Variants in GPAT3 observed in about 807,000 individuals in gnomAD.
GPAT3 encodes glycerol-3-phosphate acyltransferase 3.
Under a neutral mutation model 58.8 loss-of-function variants are expected in GPAT3, and 53 were observed. That is an observed-to-expected ratio of 0.90 (90% CI 0.72 to 1.13). The LOEUF (loss-of-function observed/expected upper bound fraction) is 1.13. GPAT3 is among the 50% of genes most tolerant of loss of function. The pLI is 0.00. For missense variants in GPAT3, 511 were observed against 527.6 expected (o/e 0.97, Z 0.31); for synonymous variants, 197 against 187.4 (o/e 1.05, Z -0.42).
rs746452375 is a variant in GPAT3, at chr4:83,581,808, G to A, written c.455G>A (p.Arg152His). 6.2e-6 allele frequency: 10 copies of A among 1,613,268 alleles called. No homozygotes were observed. The highest frequency in any genetic ancestry group is 4.4e-5 in the South Asian group (4 of 91,052). ...TMVWVLGVIV[R>H]YCVLLPLRVT... ...GTGTGGGTGCTGGGCGTCATAGTGC[G>A]CTATTGTGTCCTACTGCCTCTGAGG... The change falls in exon 3 of 12, where the codon CGC becomes CAC. Residue 152 changes from arginine to histidine, a missense_variant. Transcript: ENST00000264409.
rs1476138775 is a variant in GPAT3 at position 83,605,761 on chromosome 4, G to A, written c.*994G>A. On this transcript the variant is annotated 3_prime_UTR_variant, in exon 12 of 12. Transcript: ENST00000264409. ...CCCCAACTCACACAGCATAAGCAATGTTTGACAGCAATATAATGCCGTTGT... is the reference window on the plus strand; with the variant it reads ...CCCCAACTCACACAGCATAAGCAATATTTGACAGCAATATAATGCCGTTGT... 2 of 152,558 alleles carry A rather than the reference G, an allele frequency of 1.3e-5. No individual in the cohort carries two copies. The highest frequency in any genetic ancestry group is 2.9e-5 in the Non-Finnish European group (2 of 68,030). 9.5% of individuals were successfully genotyped at this position (152,558 alleles called of 1,614,324 possible).
At chr4:83,570,485 T>C (rs1042961080) in intron 2 of GPAT3, among the ~76,000 whole-genome samples, 16 of 150,820 alleles carry the variant, frequency 1.1e-4, no homozygotes, top group Non-Finnish European at 1.8e-4. Context: ...TTTTTTTTTT[T>C]TTTTTGAGAC....
At chr4:83,563,724 A>G (rs1223470275) in intron 2 of GPAT3, among the ~76,000 whole-genome samples, 1 of 151,174 alleles carries the variant, frequency 6.6e-6, no homozygotes, top group African/African-American at 2.4e-5. Context: ...CAGGTGACCC[A>G]CCCGCCTTGG....
intron 1 of GPAT3, among the ~76,000 whole-genome samples, chr4:83,538,729 C>T (rs747317488): frequency 1.3e-5 from 2 of 152,170 alleles, no homozygotes; most frequent in Non-Finnish European, 2.9e-5. Flanking sequence ...TTCAGTTTGA[C>T]AGGCCAGAGA....
intron 6 of GPAT3, among the ~76,000 whole-genome samples, chr4:83,590,845 C>G (rs1323792648): frequency 1.3e-5 from 2 of 148,956 alleles, no homozygotes; most frequent in East Asian, 3.9e-4. Flanking sequence ...CTGTACATCT[C>G]AAAACAGCCT....
intron 2 of GPAT3, among the ~76,000 whole-genome samples, chr4:83,566,087 C>A (rs1725370127): frequency 6.6e-6 from 1 of 152,198 alleles, no homozygotes; most frequent in African/African-American, 2.4e-5. Flanking sequence ...GCTCTCAGGG[C>A]ATAAAGACAT....
At chr4:83,544,695 G>A (rs1724442321) in intron 2 of GPAT3, 93 bp downstream of exon 2, 1 of 1,190,404 alleles carries the variant, frequency 8.4e-7, no homozygotes, top group Admixed American at 1.9e-5. Flanking sequence ...AGAGAGCAGT[G>A]TGTTCTATAG....
chr4:83,575,111 C>T (rs1296091221), intron 2 of GPAT3, among the ~76,000 whole-genome samples: 4 of 151,848 alleles, frequency 2.6e-5, no homozygotes, highest in Admixed American at 2.0e-4. Context: ...CTCCTGACCT[C>T]GTGATCCGCC....
chr4:83,582,299 A>T (rs1338804287), intron 3 of GPAT3, among the ~76,000 whole-genome samples: 1 of 152,200 alleles, frequency 6.6e-6, no homozygotes, highest in Non-Finnish European at 1.5e-5. Context: ...CGTGGGAGAG[A>T]GCCATTTCGA....
chr4:83,557,248 A>G (rs1166835745), intron 2 of GPAT3, among the ~76,000 whole-genome samples: 1 of 152,224 alleles, frequency 6.6e-6, no homozygotes, highest in African/African-American at 2.4e-5. Context: ...AAATTATTCT[A>G]TTACAAATGT....
At chr4:83,575,728 T>C (rs1725788375) in intron 2 of GPAT3, among the ~76,000 whole-genome samples, 1 of 152,252 alleles carries the variant, frequency 6.6e-6, no homozygotes, top group Non-Finnish European at 1.5e-5. Flanking sequence ...CCTAATTTTA[T>C]AATAGTACCC....
chr4:83,585,350 T>C (rs1369988576), intron 3 of GPAT3, among the ~76,000 whole-genome samples: 1 of 149,804 alleles, frequency 6.7e-6, no homozygotes, highest in Non-Finnish European at 1.5e-5. Context: ...GTTATAATTA[T>C]AAAATTAATA....
intron 1 of GPAT3, among the ~76,000 whole-genome samples, chr4:83,541,634 A>G (rs1176573659): frequency 6.6e-6 from 1 of 152,148 alleles, no homozygotes; most frequent in Non-Finnish European, 1.5e-5. Context: ...TCTGGTGCCA[A>G]AACATGGAGT....
At chr4:83,538,697 ATC>A (rs1367921848) in intron 1 of GPAT3, among the ~76,000 whole-genome samples, 1 of 152,124 alleles carries the variant, frequency 6.6e-6, no homozygotes, top group Non-Finnish European at 1.5e-5. Context: ...TGATAGGATG[ATC>A]TCCAGTCCAG....
chr4:83,581,526 A>G lies in GPAT3; in HGVS notation c.209-36A>G, dbSNP rs768021781. The G allele has an allele frequency of 2.5e-6, 4 of 1,590,894 alleles. No individual in the cohort carries two copies. The East Asian group carries it at 6.7e-5, about 27-fold the overall frequency. On this transcript the variant is annotated intron_variant, in intron 2 of 11. Coordinates refer to ENST00000264409, the MANE Select transcript of GPAT3 (RefSeq NM_032717.5). ...CCCTTTTGGTCAATTCTTCTGTCGTATGGCATTTTCTCATGTCCTGATGCT... is the reference window on the plus strand; with the variant it reads ...CCCTTTTGGTCAATTCTTCTGTCGTGTGGCATTTTCTCATGTCCTGATGCT...
intron 2 of GPAT3, among the ~76,000 whole-genome samples, chr4:83,579,081 C>CCCTTCCTTCCTTCCTTCCTTCCTT (rs778000097): frequency 6.1e-4 from 12 of 19,652 alleles, no homozygotes; most frequent in African/African-American, 1.3e-3. Flanking sequence ...TTTCTTTCTT[C>CCCTTCCTTCCTTCCTTCCTTCCTT]CCTTCCTTCC....
Position 83,562,226 on chromosome 4 carries a change from ATATATATAT to A in GPAT3, c.208+17625_208+17633del, listed in dbSNP as rs575872604. 7.8e-3 allele frequency among the ~76,000 whole-genome samples: 488 copies of A among 62,474 alleles called. 10 individuals carry two copies. The highest frequency in any genetic ancestry group is 0.03 in the African/African-American group (458 of 15,260). 41.0% of individuals were successfully genotyped at this position (62,474 alleles called of 152,430 possible). On this transcript the variant is annotated intron_variant, in intron 2 of 11. Coordinates refer to ENST00000264409, the MANE Select transcript of GPAT3 (RefSeq NM_032717.5). ...TATATATATATTATATATATATATA[ATATATATAT>A]AATATATATATATAAAATATAGTTT...
At chr4:83,582,913 T>C (rs1413181681) in intron 3 of GPAT3, among the ~76,000 whole-genome samples, 1 of 152,144 alleles carries the variant, frequency 6.6e-6, no homozygotes, top group Non-Finnish European at 1.5e-5. Context: ...CTTAAACTAG[T>C]GCCCCCAAAA....
chr4:83,562,214 T>TATATATATATATATA (rs1725184498), intron 2 of GPAT3, among the ~76,000 whole-genome samples: 2 of 77,124 alleles, frequency 2.6e-5, no homozygotes, highest in Non-Finnish European at 4.7e-5. Context: ...ATATATATTA[T>TATATATATATATATA]ATATATATAT....
Sources: allele counts gnomAD v4.1 joint callset (sites outside exome capture counted in the v4.1 genomes callset), GRCh38; gene constraint gnomAD v4.1.1; transcripts MANE v1.5; gene names NCBI Gene and HGNC (gene_info 2026-07-23, HGNC 2026-07-21).